PHTF2: variants seen among roughly 807,000 people sequenced by gnomAD.
PHTF2 encodes the protein putative homeodomain transcription factor 2.
A neutral mutation model predicts 101.2 loss-of-function variants in PHTF2; 60 were observed. The ratio of observed to expected loss-of-function variants is 0.59; its 90% CI spans 0.48 to 0.73. The LOEUF is 0.73. Among genes scored for constraint, PHTF2 ranks in the 30% least tolerant of loss-of-function variants. The probability of loss-of-function intolerance (pLI) is 0.00; values close to 1 mark genes in which losing one functional copy is unlikely to be tolerated. For missense variants in PHTF2, 747 were observed against 908.7 expected (o/e 0.82, Z 2.29); for synonymous variants, 311 against 307.3 (o/e 1.01, Z -0.13).
intron 1 of PHTF2, among the ~76,000 whole-genome samples, chr7:77,816,864 C>T (rs549044678): frequency 1.3e-5 from 2 of 152,284 alleles, no homozygotes; most frequent in African/African-American, 4.8e-5. Context: ...ACATGATGTC[C>T]TCCAGTTCCA....
At chr7:77,838,015 A>G (rs1295285788) in intron 1 of PHTF2, among the ~76,000 whole-genome samples, 1 of 152,192 alleles carries the variant, frequency 6.6e-6, no homozygotes, top group Non-Finnish European at 1.5e-5. Flanking sequence ...GGTAAAGTGA[A>G]AAGTTGATAT....
exon 1 of PHTF2, chr7:77,798,948 A>G (rs1184385516): frequency 6.6e-6 from 1 of 152,524 alleles, no homozygotes; most frequent in African/African-American, 2.4e-5. Context: ...GCCGCCTCCT[A>G]GCGGCGCGGC....
At chr7:77,841,383 CAG>C (rs1458199829) in intron 2 of PHTF2, among the ~76,000 whole-genome samples, 1 of 151,976 alleles carries the variant, frequency 6.6e-6, no homozygotes, top group Non-Finnish European at 1.5e-5. Flanking sequence ...CCCAGCCAAA[CAG>C]ATGATTTTTA....
At chr7:77,939,075 C>T (rs1805408301) in intron 13 of PHTF2, among the ~76,000 whole-genome samples, 1 of 152,072 alleles carries the variant, frequency 6.6e-6, no homozygotes, top group South Asian at 2.1e-4. Flanking sequence ...ACAATGGTCT[C>T]ATTTATCTAA....
intron 3 of PHTF2, among the ~76,000 whole-genome samples, chr7:77,866,133 A>G (rs1208536560): frequency 2.6e-5 from 4 of 150,984 alleles, no homozygotes; most frequent in Non-Finnish European, 3.0e-5. Flanking sequence ...GCAGTGAGTC[A>G]AGATCACACC....
chr7:77,806,954 T>C (rs1279436604), intron 1 of PHTF2, among the ~76,000 whole-genome samples: 1 of 152,222 alleles, frequency 6.6e-6, no homozygotes, highest in Non-Finnish European at 1.5e-5. Flanking sequence ...TGCTGTATAT[T>C]ATAAATCCCA....
intron 9 of PHTF2, among the ~76,000 whole-genome samples, chr7:77,915,979 CTG>C (rs34376513): frequency 0.047 from 6,899 of 147,762 alleles, 391 homozygotes; most frequent in African/African-American, 0.14. Context: ...ATTTGTGTGT[CTG>C]TGTGTGTGTG....
At chr7:77,839,836 G>C (rs1795734263) in intron 1 of PHTF2, among the ~76,000 whole-genome samples, 2 of 152,058 alleles carry the variant, frequency 1.3e-5, no homozygotes, top group South Asian at 4.1e-4. Context: ...CTTTAGCAAT[G>C]GTAACTGACA....
chr7:77,893,623 C>A, exon 4 of PHTF2: 2 of 1,424,182 alleles, frequency 1.4e-6, no homozygotes, highest in South Asian at 1.2e-5. Context: ...AGCATATGAT[C>A]AACAAATATG....
intron 12 of PHTF2, among the ~76,000 whole-genome samples, chr7:77,934,497 G>A (rs115105597): frequency 1.8e-4 from 27 of 152,314 alleles, no homozygotes; most frequent in African/African-American, 6.5e-4. Context: ...CACCATTTAA[G>A]CAATAAGGTT....
chr7:77,836,587 C>T (rs974502625), intron 1 of PHTF2, among the ~76,000 whole-genome samples: 3 of 152,114 alleles, frequency 2.0e-5, no homozygotes, highest in African/African-American at 7.2e-5. Context: ...AAATGCCCAT[C>T]AGTGATAGAC....
At chr7:77,922,017 CTTTTTTTTTTT>C (rs35763664) in intron 10 of PHTF2, among the ~76,000 whole-genome samples, 9 of 95,268 alleles carry the variant, frequency 9.4e-5, no homozygotes, top group Non-Finnish European at 1.6e-4. Context: ...GTTTATATTC[CTTTTTTTTTTT>C]TTTTTTTTTT....
At chr7:77,871,547 G>GTGA (rs2150716352) in intron 3 of PHTF2, among the ~76,000 whole-genome samples, 1 of 152,288 alleles carries the variant, frequency 6.6e-6, no homozygotes, top group Non-Finnish European at 1.5e-5. Flanking sequence ...ATCACTAGGG[G>GTGA]TGATGGTAAG....
intron 5 of PHTF2, chr7:77,895,979 T>G (rs1040006065): frequency 6.6e-6 from 1 of 152,190 alleles, no homozygotes; most frequent in African/African-American, 2.4e-5. Context: ...ACTATTGCAC[T>G]TGACTAGTCT....
intron 3 of PHTF2, among the ~76,000 whole-genome samples, chr7:77,888,443 C>G (rs1024665452): frequency 1.3e-5 from 2 of 152,144 alleles, no homozygotes; most frequent in African/African-American, 4.8e-5. Context: ...TTAAAGAAAC[C>G]TCTTTTCTGT....
exon 7 of PHTF2, chr7:77,901,914 C>G (rs1801429703): frequency 6.4e-7 from 1 of 1,571,920 alleles, no homozygotes; most frequent in Non-Finnish European, 8.6e-7. Context: ...CCTTTATCTT[C>G]TTCAAGGTAT....
At chr7:77,869,306 A>G (rs113879958) in intron 3 of PHTF2, among the ~76,000 whole-genome samples, 8 of 152,322 alleles carry the variant, frequency 5.3e-5, no homozygotes, top group African/African-American at 1.2e-4. Context: ...TCTTCCAGCT[A>G]TATTGAAATA....
intron 13 of PHTF2, among the ~76,000 whole-genome samples, chr7:77,938,763 C>T (rs563102982): frequency 2.0e-5 from 3 of 152,096 alleles, no homozygotes; most frequent in South Asian, 4.2e-4. Flanking sequence ...GGCGACAGAG[C>T]GAGACTCCGT....
At position 77,954,855 on chromosome 7, in the gene PHTF2, T is replaced by C. The variant is rs763846468; in HGVS notation, c.2338-3T>C. Reference sequence around the variant, plus strand: ...GTCACCACTTCTATTTTTTTTTTTCTAGCTATGGAAGATTAAGTCATGACA... The same window carrying C: ...GTCACCACTTCTATTTTTTTTTTTCCAGCTATGGAAGATTAAGTCATGACA... On this transcript the variant is annotated splice_region_variant and splice_polypyrimidine_tract_variant and intron_variant, in intron 19 of 19. Coordinates refer to ENST00000416283, the Ensembl canonical transcript of PHTF2. 1 of 1,494,446 alleles carries C rather than the reference T, an allele frequency of 6.7e-7. No homozygotes were observed. The highest frequency in any genetic ancestry group is 2.3e-5 in the East Asian group (1 of 43,312). The allele number at this position is 1,494,446 out of a possible 1,614,324, so 92.6% of individuals were successfully genotyped here. A position where few individuals can be genotyped will look rare whatever the true frequency, so the allele number is the denominator to read the frequency against.
Sources: allele counts gnomAD v4.1 joint callset (sites outside exome capture counted in the v4.1 genomes callset), GRCh38; gene constraint gnomAD v4.1.1; transcripts MANE v1.5; gene names NCBI Gene and HGNC (gene_info 2026-07-23, HGNC 2026-07-21).